CNTN4: variants seen among roughly 807,000 people sequenced by gnomAD.
The protein encoded by CNTN4 is contactin-4.
CNTN4 carries 77 observed loss-of-function variants against 122.5 expected under a neutral mutation model. The ratio of observed to expected loss-of-function variants is 0.63; its 90% CI spans 0.52 to 0.76. CNTN4 has a LOEUF of 0.76. Among genes scored for constraint, CNTN4 ranks in the 30% least tolerant of loss-of-function variants. CNTN4 has a pLI of 0.00. For synonymous variants in CNTN4, 512 were observed against 447.0 expected, an observed-to-expected ratio of 1.15 and a Z score of -1.83; for missense variants, 1,256 against 1,259.1, an observed-to-expected ratio of 1.00 and a Z score of 0.04.
chr3:2,988,571 A>T, intron 14 of CNTN4, 99 bp downstream of exon 14: 1 of 1,187,486 alleles, frequency 8.4e-7, no homozygotes, highest in Non-Finnish European at 1.3e-6. Flanking sequence ...ATATGTACAG[A>T]TACCACTGTA....
chr3:2,285,224 CAAA>C (rs2041860785), intron 2 of CNTN4, among the ~76,000 whole-genome samples: 1 of 151,982 alleles, frequency 6.6e-6, no homozygotes, highest in Admixed American at 6.6e-5. Context: ...AGATGAGTAA[CAAA>C]TACATCCTTA....
intron 3 of CNTN4, among the ~76,000 whole-genome samples, chr3:2,429,054 G>A (rs1229358026): frequency 3.9e-5 from 6 of 152,128 alleles, no homozygotes; most frequent in Admixed American, 2.0e-4. Context: ...TGTTATTACC[G>A]ATCGTCTGAA....
intron 6 of CNTN4, among the ~76,000 whole-genome samples, chr3:2,816,063 G>A (rs972676659): frequency 6.6e-6 from 1 of 151,828 alleles, no homozygotes; most frequent in African/African-American, 2.4e-5. Context: ...GCATAAAAAT[G>A]ATACAATGAG....
At chr3:2,459,415 A>G (rs1319648416) in intron 3 of CNTN4, among the ~76,000 whole-genome samples, 1 of 152,154 alleles carries the variant, frequency 6.6e-6, no homozygotes, top group Non-Finnish European at 1.5e-5. Context: ...TATAGGGATC[A>G]CTTATAATTG....
At chr3:2,383,752 C>T (rs189298137) in intron 3 of CNTN4, among the ~76,000 whole-genome samples, 3 of 149,592 alleles carry the variant, frequency 2.0e-5, no homozygotes, top group Admixed American at 1.3e-4. Context: ...TTCTCCCTCT[C>T]CTCTCTTCTC....
intron 6 of CNTN4, among the ~76,000 whole-genome samples, chr3:2,775,339 T>TGTA (rs145782200): frequency 0.02 from 3,011 of 152,308 alleles, 121 homozygotes; most frequent in African/African-American, 0.068. Flanking sequence ...AAAACTCCTC[T>TGTA]GTACATAGAG....
At chr3:2,637,914 A>T (rs569587123) in intron 4 of CNTN4, among the ~76,000 whole-genome samples, 2 of 152,330 alleles carry the variant, frequency 1.3e-5, no homozygotes, top group Non-Finnish European at 2.9e-5. Context: ...GTTTTAAAAA[A>T]GCCAGAATTT....
chr3:2,571,548 G>A lies in CNTN4; in HGVS notation c.45G>A (p.Leu15=), dbSNP rs112813310. 2 of 1,612,942 alleles carry A rather than the reference G, an allele frequency of 1.2e-6. No individual in the cohort carries two copies. The highest frequency in any genetic ancestry group is 1.7e-6 in the Non-Finnish European group (2 of 1,179,030). The change falls in exon 4 of 25, where the codon TTG becomes TTA. Residue 15 remains leucine, a synonymous_variant. Coordinates refer to ENST00000418658, the MANE Select transcript of CNTN4 (RefSeq NM_175607.3). ...TGCTGGTACTGCAATCATTCATTTT[G>A]TGCCTTGCAGGTAGAGTGTCATTTT... ...WELLVLQSFI[L]CLADDSTLHG...
At chr3:2,245,447 C>A (rs1231780433) in intron 2 of CNTN4, among the ~76,000 whole-genome samples, 4 of 152,002 alleles carry the variant, frequency 2.6e-5, no homozygotes, top group African/African-American at 7.2e-5. Context: ...TGATTGTTCT[C>A]ATGTTTTCAG....
intron 6 of CNTN4, among the ~76,000 whole-genome samples, chr3:2,803,826 A>C (rs1363257562): frequency 6.6e-6 from 1 of 151,890 alleles, no homozygotes; most frequent in Non-Finnish European, 1.5e-5. Flanking sequence ...CTCCCAAAGT[A>C]CTGGGATTAC....
At chr3:2,324,722 T>G (rs933645183) in intron 2 of CNTN4, among the ~76,000 whole-genome samples, 2 of 152,096 alleles carry the variant, frequency 1.3e-5, no homozygotes, top group African/African-American at 4.8e-5. Context: ...GAAAAACATT[T>G]TTGGGTTTGC....
chr3:2,568,599 A>C (rs2079286039), intron 3 of CNTN4, among the ~76,000 whole-genome samples: 1 of 152,222 alleles, frequency 6.6e-6, no homozygotes, highest in Non-Finnish European at 1.5e-5. Flanking sequence ...CTCTGACAGA[A>C]AAATTGAAAT....
Position 2,501,635 on chromosome 3 carries a change from T to G in CNTN4, c.-88-69781T>G, listed in dbSNP as rs533572682. 7.9e-5 allele frequency among the ~76,000 whole-genome samples: 12 copies of G among 152,324 alleles called. No individual in the cohort carries two copies. The South Asian group carries it at 2.5e-3, about 32-fold the overall frequency. On this transcript the variant is annotated intron_variant, in intron 3 of 24. Coordinates refer to ENST00000418658, the MANE Select transcript of CNTN4 (RefSeq NM_175607.3). ...TCACTTCCGTTGTCATATTACCTTC[T>G]GTACCTGTGTATTTGATCCTCTCAT... is the stretch of plus-strand genomic sequence containing the variant.
At chr3:3,039,172 A>C in intron 19 of CNTN4, 169 bp downstream of exon 19, 1 of 652,406 alleles carries the variant, frequency 1.5e-6, no homozygotes. Flanking sequence ...GAAGGACGGC[A>C]CTTGCCCATC....
intron 2 of CNTN4, among the ~76,000 whole-genome samples, chr3:2,173,667 A>C (rs1232900309): frequency 6.6e-6 from 1 of 151,866 alleles, no homozygotes. Flanking sequence ...TCGAAGGTCA[A>C]CTCAGCTACT....
At chr3:2,660,392 C>T (rs1271170558) in intron 4 of CNTN4, among the ~76,000 whole-genome samples, 7 of 152,098 alleles carry the variant, frequency 4.6e-5, no homozygotes, top group East Asian at 1.9e-4. Context: ...CAGCAAACTA[C>T]GCAAAATAAA....
intron 2 of CNTN4, among the ~76,000 whole-genome samples, chr3:2,284,569 T>A (rs2149926412): frequency 6.6e-6 from 1 of 152,236 alleles, no homozygotes; most frequent in East Asian, 1.9e-4. Flanking sequence ...TTCAAGGAAT[T>A]TATAATGGAG....
chr3:2,611,512 G>T (rs1170575248), intron 4 of CNTN4, among the ~76,000 whole-genome samples: 2 of 152,088 alleles, frequency 1.3e-5, no homozygotes, highest in East Asian at 3.9e-4. Context: ...GATAGTACCT[G>T]CTTGGGAGAG....
At chr3:2,414,243 C>T (rs1284792068) in intron 3 of CNTN4, among the ~76,000 whole-genome samples, 1 of 152,110 alleles carries the variant, frequency 6.6e-6, no homozygotes, top group African/African-American at 2.4e-5. Flanking sequence ...TGTTTCATCC[C>T]TCCTATTAAA....
Sources: allele counts gnomAD v4.1 joint callset (sites outside exome capture counted in the v4.1 genomes callset), GRCh38; gene constraint gnomAD v4.1.1; transcripts MANE v1.5; gene names NCBI Gene and HGNC (gene_info 2026-07-23, HGNC 2026-07-21).